Variants in SPIDR observed in about 807,000 individuals in gnomAD.
SPIDR encodes scaffold protein involved in DNA repair.
A neutral mutation model predicts 104.6 loss-of-function variants in SPIDR; 93 were observed. The observed-to-expected ratio is 0.89, with a 90% CI of 0.75 to 1.06. The LOEUF is 1.06. Among genes scored for constraint, SPIDR ranks in the 50% least tolerant of loss-of-function variants. SPIDR has a pLI of 0.00. For synonymous variants in SPIDR, 431 were observed against 416.9 expected, an observed-to-expected ratio of 1.03 and a Z score of -0.41; for missense variants, 1,154 against 1,111.2, an observed-to-expected ratio of 1.04 and a Z score of -0.55.
At chr8:47,351,068 A>G (rs905182072) in intron 5 of SPIDR, among the ~76,000 whole-genome samples, 16 of 152,210 alleles carry the variant, frequency 1.1e-4, no homozygotes, top group African/African-American at 1.7e-4. Flanking sequence ...CAGATTGACT[A>G]TCACAACATC....
At chr8:47,285,808 C>T (rs2038725030) in intron 3 of SPIDR, among the ~76,000 whole-genome samples, 1 of 152,124 alleles carries the variant, frequency 6.6e-6, no homozygotes, top group South Asian at 2.1e-4. Flanking sequence ...AAGGTTAGGA[C>T]TTCAACATTT....
chr8:47,270,200 T>A (rs1586100324), intron 1 of SPIDR, among the ~76,000 whole-genome samples: 1 of 152,172 alleles, frequency 6.6e-6, no homozygotes, highest in South Asian at 2.1e-4. Context: ...TGGAAGAGTT[T>A]GTGAAGGATA....
In SPIDR at chr8:47,690,814, A is replaced by G. The variant is rs564312501; in HGVS notation, c.1686-9589A>G. On this transcript the variant is annotated intron_variant, in intron 11 of 19. Transcript: ENST00000297423. The stretch of plus-strand genomic sequence containing the variant: ...AGCCTGGGTGACAAGGCGAGATTCC[A>G]TCTCAAAAAATAAATAAAACTAGCA... 2.8e-4 allele frequency among the ~76,000 whole-genome samples: 42 copies of G among 152,162 alleles called. 1 individual carries two copies. The highest frequency in any genetic ancestry group is 8.2e-4 in the African/African-American group (34 of 41,534).
chr8:47,420,549 G>C (rs1554679401), intron 7 of SPIDR, among the ~76,000 whole-genome samples: 1 of 152,070 alleles, frequency 6.6e-6, no homozygotes, highest in East Asian at 1.9e-4. Context: ...GCACACTGAT[G>C]GGTCTTGACT....
At chr8:47,614,275 G>C (rs1022312631) in intron 10 of SPIDR, among the ~76,000 whole-genome samples, 7 of 151,888 alleles carry the variant, frequency 4.6e-5, no homozygotes, top group Non-Finnish European at 8.8e-5. Context: ...CTGGAGTGCA[G>C]TGGTGGCATG....
intron 15 of SPIDR, 159 bp downstream of exon 15, chr8:47,713,031 C>T: frequency 7.1e-7 from 1 of 1,404,860 alleles, no homozygotes; most frequent in Non-Finnish European, 9.2e-7. Context: ...CCAGCCTTCA[C>T]TGACCCTGTA....
At chr8:47,289,156 A>G (rs1284797622) in intron 3 of SPIDR, among the ~76,000 whole-genome samples, 1 of 152,100 alleles carries the variant, frequency 6.6e-6, no homozygotes, top group East Asian at 1.9e-4. Context: ...GACTACAGGC[A>G]TGTACCACTG....
intron 7 of SPIDR, among the ~76,000 whole-genome samples, chr8:47,426,586 C>T (rs1269978572): frequency 1.3e-5 from 2 of 152,168 alleles, no homozygotes; most frequent in Non-Finnish European, 2.9e-5. Context: ...CCATATTTTA[C>T]ACTTGAAGAT....
chr8:47,555,807 T>A (rs2091256628), intron 8 of SPIDR, among the ~76,000 whole-genome samples: 1 of 152,202 alleles, frequency 6.6e-6, no homozygotes, highest in South Asian at 2.1e-4. Flanking sequence ...CTCCATCTGG[T>A]AGAAATCACA....
At chr8:47,530,688 AAC>A in intron 8 of SPIDR, among the ~76,000 whole-genome samples, 1 of 152,204 alleles carries the variant, frequency 6.6e-6, no homozygotes, top group African/African-American at 2.4e-5. Context: ...ACTTTATATA[AAC>A]ACTGAACACC....
intron 7 of SPIDR, among the ~76,000 whole-genome samples, chr8:47,410,817 A>G (rs1242936511): frequency 6.6e-6 from 1 of 151,580 alleles, no homozygotes; most frequent in Admixed American, 6.6e-5. Flanking sequence ...CGCTCCCCCA[A>G]CCCCACAACA....
intron 14 of SPIDR, 79 bp from the exon 15 acceptor site, chr8:47,712,583 T>C: frequency 7.2e-7 from 1 of 1,383,580 alleles, no homozygotes; most frequent in Non-Finnish European, 1.0e-6. Flanking sequence ...TGTTAGTATA[T>C]GTATAACTTC....
chr8:47,647,023 C>G (rs535446967), intron 10 of SPIDR, among the ~76,000 whole-genome samples: 2 of 152,032 alleles, frequency 1.3e-5, no homozygotes, highest in African/African-American at 4.8e-5. Flanking sequence ...GGTAGCAATA[C>G]CTATAATAAT....
intron 8 of SPIDR, among the ~76,000 whole-genome samples, chr8:47,450,783 C>T (rs563350705): frequency 2.6e-5 from 4 of 152,268 alleles, no homozygotes; most frequent in South Asian, 2.1e-4. Flanking sequence ...ATCCCTCTAT[C>T]GAAATAACTA....
chr8:47,290,516 C>T (rs2039711616), intron 3 of SPIDR, among the ~76,000 whole-genome samples: 1 of 152,122 alleles, frequency 6.6e-6, no homozygotes, highest in Non-Finnish European at 1.5e-5. Context: ...TCTCTTATTT[C>T]TTACAACTAT....
intron 8 of SPIDR, among the ~76,000 whole-genome samples, chr8:47,493,751 T>C (rs2079063617): frequency 1.3e-5 from 2 of 152,202 alleles, no homozygotes; most frequent in Admixed American, 1.3e-4. Context: ...AAGAATACTT[T>C]TGCATCCAGG....
At chr8:47,293,031 G>T (rs2040208641) in intron 4 of SPIDR, among the ~76,000 whole-genome samples, 1 of 151,962 alleles carries the variant, frequency 6.6e-6, no homozygotes. Flanking sequence ...CCCCTGCCTG[G>T]CTTCCGTGAC....
chr8:47,568,359 A>G (rs1201189243), intron 8 of SPIDR, among the ~76,000 whole-genome samples: 5 of 152,196 alleles, frequency 3.3e-5, no homozygotes, highest in Non-Finnish European at 7.3e-5. Context: ...TACTCAGTAA[A>G]TATTAGTTGT....
At chr8:47,525,883 G>A (rs746269964) in intron 8 of SPIDR, among the ~76,000 whole-genome samples, 2 of 152,252 alleles carry the variant, frequency 1.3e-5, no homozygotes, top group Middle Eastern at 3.4e-3. Flanking sequence ...TGTACATGCT[G>A]TCTGGATTTG....
Sources: allele counts gnomAD v4.1 joint callset (sites outside exome capture counted in the v4.1 genomes callset), GRCh38; gene constraint gnomAD v4.1.1; transcripts MANE v1.5; gene names NCBI Gene and HGNC (gene_info 2026-07-23, HGNC 2026-07-21).